Variants in PCDHA1 observed in about 807,000 individuals in gnomAD.
The protein encoded by PCDHA1 is protocadherin alpha 1, also known as protocadherin alpha-1.
In PCDHA1, 42 loss-of-function variants were observed where a neutral mutation model predicts 61.3. The ratio of observed to expected loss-of-function variants is 0.69; its 90% CI spans 0.54 to 0.89. The LOEUF is 0.89. Among genes scored for constraint, PCDHA1 ranks in the 40% least tolerant of loss-of-function variants. The probability of loss-of-function intolerance (pLI) is 0.00; values close to 1 mark genes in which losing one functional copy is unlikely to be tolerated. For missense variants in PCDHA1, 1,256 were observed against 1,235.3 expected (o/e 1.02, Z -0.25); for synonymous variants, 610 against 553.8 (o/e 1.10, Z -1.43).
intron 3 of PCDHA1, among the ~76,000 whole-genome samples, chr5:140,999,698 T>C (rs903538308): frequency 2.0e-5 from 3 of 152,192 alleles, no homozygotes; most frequent in Non-Finnish European, 4.4e-5. Flanking sequence ...ATGTGATTTT[T>C]TTTTAGCTAA....
At chr5:140,950,546 C>G (rs1323652854) in intron 1 of PCDHA1, among the ~76,000 whole-genome samples, 4 of 151,970 alleles carry the variant, frequency 2.6e-5, no homozygotes, top group Non-Finnish European at 4.4e-5. Flanking sequence ...TCTTGCATGG[C>G]TGGGGGGACA....
chr5:140,836,554 C>T, intron 1 of PCDHA1: 1 of 1,613,764 alleles, frequency 6.2e-7, no homozygotes, highest in Non-Finnish European at 8.5e-7. Flanking sequence ...TTGCGGTGCT[C>T]AGCGCCGTCC....
chr5:140,926,928 G>T, intron 1 of PCDHA1: 1 of 1,574,878 alleles, frequency 6.3e-7, no homozygotes, highest in Non-Finnish European at 8.6e-7. Flanking sequence ...TATGTTTGTG[G>T]GTTTCCTGCG....
rs140175664 is a variant in PCDHA1, at chr5:140,837,632, C to CCTTT, written c.2394+48964_2394+48967dup. Among the ~76,000 whole-genome samples, 52 of 151,222 alleles carry CCTTT rather than the reference C, an allele frequency of 3.4e-4. 1 individual carries two copies. Among genetic ancestry groups the CCTTT allele is most frequent in the Middle Eastern group, 6.8e-3 (2 of 294 alleles). On this transcript the variant is annotated intron_variant, in intron 1 of 3. Transcript: ENST00000504120. ...TAATTTGCCCCTTCCTTCCTTCCTT[C>CCTTT]CTTTCTTTCTTTCTTTCTTCCTTTT...
intron 1 of PCDHA1, chr5:140,967,908 A>T (rs554849478): frequency 6.2e-7 from 1 of 1,614,138 alleles, no homozygotes; most frequent in Non-Finnish European, 8.5e-7. Context: ...GCTACACCCA[A>T]CACCATTGTG....
Position 140,787,954 on chromosome 5 carries a change from T to C in PCDHA1, c.1664T>C (p.Val555Ala), listed in dbSNP as rs782494427. 52 of 1,613,818 alleles carry C rather than the reference T, an allele frequency of 3.2e-5. No individual in the cohort carries two copies. The highest frequency in any genetic ancestry group is 3.4e-5 in the Non-Finnish European group (40 of 1,179,906). ...LGSNVTLQVF[V>A]LDENDNAPAL... ...AGCAACGTGACGCTGCAGGTGTTCG[T>C]GCTGGACGAGAACGACAACGCGCCG... Residue 555 changes from valine to alanine, a missense_variant, in exon 1 of 4, where the codon GTG becomes GCG. By Grantham distance (64) the Val-to-Ala change is moderately conservative (BLOSUM62 0). Coordinates refer to ENST00000504120, the MANE Select transcript of PCDHA1 (RefSeq NM_018900.4).
intron 1 of PCDHA1, chr5:140,882,976 T>A: frequency 6.2e-7 from 1 of 1,614,220 alleles, no homozygotes; most frequent in South Asian, 1.1e-5. Context: ...TGGACGTGAA[T>A]GACAACGCCC....
intron 1 of PCDHA1, chr5:140,830,542 C>T: frequency 2.5e-6 from 3 of 1,194,226 alleles, no homozygotes; most frequent in Non-Finnish European, 3.4e-6. Flanking sequence ...TAATTGTTTT[C>T]CTCATATTTG....
chr5:140,887,565 T>C (rs1214384060), intron 1 of PCDHA1, among the ~76,000 whole-genome samples: 2 of 152,180 alleles, frequency 1.3e-5, no homozygotes, highest in Admixed American at 1.3e-4. Context: ...TTAAAACTTT[T>C]CTTTTTATCC....
In PCDHA1 at chr5:140,882,044, C is replaced by T. The variant is rs539916085; in HGVS notation, c.2394+93360C>T. The T allele has an allele frequency of 5.7e-6, 4 of 702,876 alleles. No individual in the cohort carries two copies. In the East Asian group the frequency reaches 1.1e-4, roughly 20 times the overall value. The allele number at this position is 702,876 out of a possible 1,614,324, so 43.5% of individuals were successfully genotyped here. Reference sequence around the variant, plus strand: ...TCAATGGAAAATATGAAGACTGAGTCATACTTACACTTACACGTTCATGCG... The same window carrying T: ...TCAATGGAAAATATGAAGACTGAGTTATACTTACACTTACACGTTCATGCG... On this transcript the variant is annotated intron_variant, in intron 1 of 3. Transcript: ENST00000504120.
At chr5:141,008,347 G>A (rs551037675) in intron 3 of PCDHA1, among the ~76,000 whole-genome samples, 7 of 152,244 alleles carry the variant, frequency 4.6e-5, no homozygotes, top group South Asian at 2.1e-4. Flanking sequence ...AGCTTTTCAC[G>A]TGTCAACCAA....
Position 140,787,548 on chromosome 5 carries a change from G to A in PCDHA1, c.1258G>A (p.Val420Ile). The change falls in exon 1 of 4, where the codon GTC becomes ATC. Residue 420 changes from valine to isoleucine, a missense_variant. By Grantham distance (29) the Val-to-Ile change is conservative. Transcript: ENST00000504120. ...CGCCCTGGATCGCGAGAGCCTGTCG[G>A]TCTATGAGCTGGTGGTGACCGCGCG... is the stretch of plus-strand genomic sequence containing the variant. ...DSALDRESLSVYELVVTARDG... is the reference protein window; with the variant it reads ...DSALDRESLSIYELVVTARDG... 1 of 1,614,234 alleles carries A rather than the reference G, an allele frequency of 6.2e-7. No homozygotes were observed. The highest frequency in any genetic ancestry group is 8.5e-7 in the Non-Finnish European group (1 of 1,180,046).
intron 1 of PCDHA1, chr5:140,803,096 G>A (rs781996568): frequency 1.2e-6 from 2 of 1,613,762 alleles, no homozygotes; most frequent in African/African-American, 1.3e-5. Flanking sequence ...AGATCAGCAC[G>A]ACCCGTGCCC....
chr5:140,805,263 A>G, intron 1 of PCDHA1: 2 of 1,291,908 alleles, frequency 1.5e-6, no homozygotes, highest in South Asian at 2.5e-5. Context: ...TACCTGGTAA[A>G]TGAAAATATT....
Position 140,788,597 on chromosome 5 carries a change from C to G in PCDHA1, c.2307C>G (p.Leu769=), listed in dbSNP as rs782462311. 6 of 1,614,084 alleles carry G rather than the reference C, an allele frequency of 3.7e-6. No homozygotes were observed. Among genetic ancestry groups the G allele is most frequent in the Non-Finnish European group, 8.5e-7 (1 of 1,180,022 alleles). Residue 769 remains leucine (L), a synonymous_variant, in exon 1 of 4, where the codon CTC becomes CTG. Coordinates refer to ENST00000504120, the MANE Select transcript of PCDHA1 (RefSeq NM_018900.4). ...GCGAGGGCCCACCCAAGACCGACCT[C>G]ATGGCCTTCAGCCCAGGCCTATCTC... ...CSSEGPPKTD[L]MAFSPGLSPS...
rs554450758 is a variant in PCDHA1, at chr5:140,895,787, C to T, written c.2395-83162C>T. On this transcript the variant is annotated intron_variant, in intron 1 of 3. Coordinates refer to ENST00000504120, the MANE Select transcript of PCDHA1 (RefSeq NM_018900.4). ...TTTATGGCTGCATAGTATTCAATGA[C>T]GTATATGTACAATACTGTATTGTAT... 8.5e-5 allele frequency among the ~76,000 whole-genome samples: 13 copies of T among 152,124 alleles called. No homozygotes were observed. The South Asian group carries it at 2.1e-3, about 24-fold the overall frequency.
intron 3 of PCDHA1, among the ~76,000 whole-genome samples, chr5:140,985,834 G>T (rs550087572): frequency 1.3e-5 from 2 of 150,860 alleles, no homozygotes; most frequent in South Asian, 4.2e-4. Flanking sequence ...CTGCCTCCCG[G>T]GTTCATGCCA....
chr5:140,948,108 G>A (rs902891466), intron 1 of PCDHA1, among the ~76,000 whole-genome samples: 2 of 151,096 alleles, frequency 1.3e-5, no homozygotes, highest in Non-Finnish European at 3.0e-5. Context: ...ATTTTTCTTC[G>A]TTTTACTAAT....
Position 140,850,830 on chromosome 5 carries a change from T to C in PCDHA1, c.2394+62146T>C. On this transcript the variant is annotated intron_variant, in intron 1 of 3. Coordinates refer to ENST00000504120, the MANE Select transcript of PCDHA1 (RefSeq NM_018900.4). ...GGCCTTCAGCCCGGGCCTTTCTCCTTGTGCTGGATCTACAGAGCGAACGGG... is the reference window on the plus strand; with the variant it reads ...GGCCTTCAGCCCGGGCCTTTCTCCTCGTGCTGGATCTACAGAGCGAACGGG... 1.9e-6 allele frequency: 3 copies of C among 1,598,162 alleles called. 1 individual carries two copies. The highest frequency in any genetic ancestry group is 2.6e-6 in the Non-Finnish European group (3 of 1,167,540).
Sources: allele counts gnomAD v4.1 joint callset (sites outside exome capture counted in the v4.1 genomes callset), GRCh38; gene constraint gnomAD v4.1.1; transcripts MANE v1.5; gene names NCBI Gene and HGNC (gene_info 2026-07-23, HGNC 2026-07-21).